The following HS3ST4 variants were observed in gnomAD, a reference collection of about 807,000 sequenced individuals.
HS3ST4 encodes heparan sulfate glucosamine 3-O-sulfotransferase 4.
In HS3ST4, 17 loss-of-function variants were observed where a neutral mutation model predicts 29.2. The observed-to-expected ratio is 0.58, with a 90% CI of 0.40 to 0.87. HS3ST4 has a LOEUF of 0.87. HS3ST4 is among the 40% of genes least tolerant of loss of function. The pLI is 0.00. For missense variants in HS3ST4, 627 were observed against 634.5 expected, an observed-to-expected ratio of 0.99 and a Z score of 0.13; for synonymous variants, 314 against 285.7, an observed-to-expected ratio of 1.10 and a Z score of -1.00.
chr16:25,927,241 A>T (rs1450665304), intron 1 of HS3ST4, among the ~76,000 whole-genome samples: 1 of 152,220 alleles, frequency 6.6e-6, no homozygotes, highest in Non-Finnish European at 1.5e-5. Context: ...GGGGAAAAAA[A>T]TTGCCAGAGA....
intron 1 of HS3ST4, among the ~76,000 whole-genome samples, chr16:25,973,961 A>G (rs1455148070): frequency 6.6e-6 from 1 of 152,204 alleles, no homozygotes. Context: ...AAGCTATCAG[A>G]GTAAAATAAA....
intron 1 of HS3ST4, among the ~76,000 whole-genome samples, chr16:25,938,820 A>G (rs985459578): frequency 6.6e-6 from 1 of 151,992 alleles, no homozygotes; most frequent in Non-Finnish European, 1.5e-5. Flanking sequence ...AGATTTTTCT[A>G]TTATTTGTTT....
chr16:26,012,633 C>T (rs570075388), intron 1 of HS3ST4, among the ~76,000 whole-genome samples: 1 of 152,278 alleles, frequency 6.6e-6, no homozygotes, highest in South Asian at 2.1e-4. Context: ...TGTTTCAAGG[C>T]TTAAAATAGT....
intron 1 of HS3ST4, among the ~76,000 whole-genome samples, chr16:25,996,235 C>T (rs1969158102): frequency 6.6e-6 from 1 of 152,054 alleles, no homozygotes; most frequent in African/African-American, 2.4e-5. Context: ...GAAGTATCCG[C>T]CATTTGTTAA....
intron 1 of HS3ST4, among the ~76,000 whole-genome samples, chr16:25,765,161 C>T (rs1966809909): frequency 6.6e-6 from 1 of 152,192 alleles, no homozygotes; most frequent in Non-Finnish European, 1.5e-5. Flanking sequence ...CTTCCAGAGG[C>T]CGCAGCCTTA....
chr16:26,111,462 A>C (rs1365925855), intron 1 of HS3ST4, among the ~76,000 whole-genome samples: 3 of 148,950 alleles, frequency 2.0e-5, no homozygotes, highest in Non-Finnish European at 4.5e-5. Flanking sequence ...TCTTTTTCTT[A>C]ATTTAAAAAC....
intron 1 of HS3ST4, among the ~76,000 whole-genome samples, chr16:26,001,071 A>G (rs1969207728): frequency 6.6e-6 from 1 of 152,232 alleles, no homozygotes; most frequent in African/African-American, 2.4e-5. Flanking sequence ...AAAAAGCAAT[A>G]AAAGACATTA....
At chr16:25,857,940 C>A (rs895472437) in intron 1 of HS3ST4, among the ~76,000 whole-genome samples, 3 of 50,290 alleles carry the variant, frequency 6.0e-5, no homozygotes, top group African/African-American at 2.3e-4. Context: ...TTCTTTCTTT[C>A]TTTCTTTCTT....
chr16:25,855,014 C>A (rs1287805868), intron 1 of HS3ST4, among the ~76,000 whole-genome samples: 4 of 152,072 alleles, frequency 2.6e-5, no homozygotes, highest in Non-Finnish European at 5.9e-5. Flanking sequence ...CAGGTAAAGA[C>A]ATAAATCAAT....
intron 1 of HS3ST4, among the ~76,000 whole-genome samples, chr16:26,022,180 GC>G (rs1282909510): frequency 4.6e-5 from 7 of 151,994 alleles, no homozygotes; most frequent in African/African-American, 1.7e-4. Context: ...TGTTGCCCAG[GC>G]TGATCTCAAA....
chr16:25,705,040 C>A (rs1389197703), intron 1 of HS3ST4, among the ~76,000 whole-genome samples: 2 of 152,126 alleles, frequency 1.3e-5, no homozygotes, highest in Non-Finnish European at 2.9e-5. Context: ...TCCTACTATT[C>A]CTGGCCTCTG....
At chr16:26,007,079 G>C (rs1969265600) in intron 1 of HS3ST4, among the ~76,000 whole-genome samples, 1 of 152,182 alleles carries the variant, frequency 6.6e-6, no homozygotes. Flanking sequence ...TAATAGCTTG[G>C]AGATTTCATA....
chr16:25,834,938 C>A (rs1179455885), intron 1 of HS3ST4, among the ~76,000 whole-genome samples: 1 of 152,054 alleles, frequency 6.6e-6, no homozygotes, highest in South Asian at 2.1e-4. Context: ...CAGAGTGAGA[C>A]CCTGTCTCAA....
At chr16:25,968,042 C>T (rs901556245) in intron 1 of HS3ST4, among the ~76,000 whole-genome samples, 2 of 152,118 alleles carry the variant, frequency 1.3e-5, no homozygotes, top group African/African-American at 2.4e-5. Context: ...GGATTATTCT[C>T]TCAGTGATCA....
chr16:25,753,068 A>G (rs1596561129), intron 1 of HS3ST4, among the ~76,000 whole-genome samples: 1 of 152,196 alleles, frequency 6.6e-6, no homozygotes, highest in Non-Finnish European at 1.5e-5. Flanking sequence ...CAACAGTATG[A>G]TGGCTCAGTA....
chr16:26,017,185 GT>G (rs747726159), intron 1 of HS3ST4, among the ~76,000 whole-genome samples: 1 of 152,252 alleles, frequency 6.6e-6, no homozygotes, highest in Non-Finnish European at 1.5e-5. Flanking sequence ...AGTACCATGA[GT>G]GGGGTGATTT....
At chr16:25,804,188 T>C (rs1406429395) in intron 1 of HS3ST4, among the ~76,000 whole-genome samples, 14 of 152,184 alleles carry the variant, frequency 9.2e-5, no homozygotes, top group Non-Finnish European at 1.8e-4. Context: ...AATATGAATA[T>C]ATTTTATATT....
intron 1 of HS3ST4, among the ~76,000 whole-genome samples, chr16:26,068,473 G>T (rs902415531): frequency 6.6e-6 from 1 of 152,120 alleles, no homozygotes; most frequent in Admixed American, 6.5e-5. Flanking sequence ...GACATCAAGG[G>T]TCTTCCCCAA....
intron 1 of HS3ST4, among the ~76,000 whole-genome samples, chr16:25,754,986 C>T (rs1052647540): frequency 1.3e-5 from 2 of 151,884 alleles, no homozygotes; most frequent in African/African-American, 4.8e-5. Flanking sequence ...CCCACCCAGT[C>T]ATCCATCCAT....
Sources: allele counts gnomAD v4.1 joint callset (sites outside exome capture counted in the v4.1 genomes callset), GRCh38; gene constraint gnomAD v4.1.1; transcripts MANE v1.5; gene names NCBI Gene and HGNC (gene_info 2026-07-23, HGNC 2026-07-21).